UQCC6: variants seen among roughly 807,000 people sequenced by gnomAD.
UQCC6 encodes the protein protein BRAWNIN.
At chr12:103,964,114 A>C in the UQCC6 span, among the ~76,000 whole-genome samples, 2 of 136,466 alleles carry the variant, frequency 1.5e-5, no homozygotes, top group Non-Finnish European at 1.5e-5. Flanking sequence ...GTCCTCACCG[A>C]CAACTCCTCC....
At chr12:103,955,088 G>A in the UQCC6 span, 1 of 610,768 alleles carries the variant, frequency 1.6e-6, no homozygotes, top group South Asian at 1.9e-5. Flanking sequence ...GCAGAGGCGG[G>A]CGGATCACTT....
chr12:103,957,048 G>T, the UQCC6 span: 1 of 379,886 alleles, frequency 2.6e-6, no homozygotes, highest in Non-Finnish European at 4.9e-6. Flanking sequence ...ATACCAGGTC[G>T]TTTCCCCGCG....
chr12:103,963,082 T>TTC, the UQCC6 span, among the ~76,000 whole-genome samples: 2 of 151,780 alleles, frequency 1.3e-5, no homozygotes, highest in African/African-American at 2.4e-5. Flanking sequence ...CACTTTTTTT[T>TTC]TTTTTTTTTG....
chr12:103,958,010 T>TATA, the UQCC6 span, among the ~76,000 whole-genome samples: 6 of 145,820 alleles, frequency 4.1e-5, no homozygotes, highest in East Asian at 2.0e-4. Context: ...TATATATTTA[T>TATA]TTTTAATATA....
chr12:103,951,954 C>T, the UQCC6 span, among the ~76,000 whole-genome samples: 66 of 152,338 alleles, frequency 4.3e-4, no homozygotes, highest in Non-Finnish European at 8.7e-4. Context: ...GCACCATCTA[C>T]TGACTCTCTA....
chr12:103,959,025 A>G, the UQCC6 span, among the ~76,000 whole-genome samples: 1 of 152,186 alleles, frequency 6.6e-6, no homozygotes, highest in Non-Finnish European at 1.5e-5. Flanking sequence ...CCTTCCCAAA[A>G]AGAAACACTG....
chr12:103,956,729 C>T, the UQCC6 span: 2 of 1,551,350 alleles, frequency 1.3e-6, no homozygotes, highest in Non-Finnish European at 1.7e-6. Context: ...ATGGGCACGC[C>T]CGCGGGCATG....
chr12:103,956,271 G>A, the UQCC6 span: 1 of 188,532 alleles, frequency 5.3e-6, no homozygotes, highest in Admixed American at 5.5e-5. Context: ...GAAAAGAATG[G>A]CCTCGAAATG....
At chr12:103,960,879 TAATAA>T in the UQCC6 span, among the ~76,000 whole-genome samples, 1 of 152,216 alleles carries the variant, frequency 6.6e-6, no homozygotes, top group East Asian at 1.9e-4. Context: ...TAATACTTGA[TAATAA>T]AATGTTACTA....
the UQCC6 span, among the ~76,000 whole-genome samples, chr12:103,958,365 T>TA: frequency 6.6e-6 from 1 of 152,250 alleles, no homozygotes; most frequent in East Asian, 1.9e-4. Flanking sequence ...CAATATGATG[T>TA]TTGACATATG....
the UQCC6 span, among the ~76,000 whole-genome samples, chr12:103,960,185 C>T: frequency 6.6e-6 from 1 of 152,120 alleles, no homozygotes; most frequent in Non-Finnish European, 1.5e-5. Context: ...ATTCTTCTGC[C>T]TCAGCCTCCC....
the UQCC6 span, among the ~76,000 whole-genome samples, chr12:103,958,452 T>G: frequency 6.6e-6 from 1 of 152,156 alleles, no homozygotes; most frequent in Non-Finnish European, 1.5e-5. Flanking sequence ...TTCTACTCCC[T>G]CCCTCCTCCA....
chr12:103,956,794 C>A, the UQCC6 span: 2 of 1,277,910 alleles, frequency 1.6e-6, no homozygotes, highest in Non-Finnish European at 2.2e-6. Flanking sequence ...CAGCTCACGA[C>A]TACACCGCGC....
At chr12:103,963,176 C>T in the UQCC6 span, among the ~76,000 whole-genome samples, 1 of 151,494 alleles carries the variant, frequency 6.6e-6, no homozygotes, top group Non-Finnish European at 1.5e-5. Context: ...TGGGTTCAAG[C>T]GATTCTCCCA....
the UQCC6 span, among the ~76,000 whole-genome samples, chr12:103,954,216 G>A: frequency 3.3e-5 from 5 of 152,338 alleles, no homozygotes; most frequent in South Asian, 6.2e-4. Flanking sequence ...AAATGTGTAC[G>A]TGAACTCCTA....
At chr12:103,964,618 C>T in the UQCC6 span, among the ~76,000 whole-genome samples, 1 of 152,150 alleles carries the variant, frequency 6.6e-6, no homozygotes, top group Non-Finnish European at 1.5e-5. Context: ...GAATTCTCTC[C>T]CAAAGCATTC....
the UQCC6 span, among the ~76,000 whole-genome samples, chr12:103,964,613 C>A: frequency 1.3e-5 from 2 of 152,194 alleles, no homozygotes. Context: ...CACCAGAATT[C>A]TCTCCCAAAG....
the UQCC6 span, among the ~76,000 whole-genome samples, chr12:103,960,787 A>G: frequency 2.0e-5 from 3 of 152,158 alleles, no homozygotes; most frequent in African/African-American, 7.2e-5. Context: ...GTCAAACACC[A>G]TGTGTCCGTG....
At chr12:103,954,805 T>G in the UQCC6 span, 2 of 622,212 alleles carry the variant, frequency 3.2e-6, no homozygotes, top group Admixed American at 2.6e-5. Context: ...CTCTACATAC[T>G]TGAACTCAAT....
Sources: gnomAD v4.1 joint callset for allele counts (sites outside exome capture counted in the v4.1 genomes callset) on GRCh38, gnomAD v4.1.1 for gene constraint, MANE v1.5 for transcripts, NCBI Gene and HGNC (gene_info 2026-07-23, HGNC 2026-07-21) for gene names.